Variants in SLC35F4 observed in about 807,000 individuals in gnomAD.
The protein encoded by SLC35F4 is solute carrier family 35 member F4, also known as chromosome 14 open reading frame 36.
Under a neutral mutation model 44.2 loss-of-function variants are expected in SLC35F4, and 24 were observed. That is an observed-to-expected ratio of 0.54 (90% CI 0.39 to 0.76). The LOEUF (loss-of-function observed/expected upper bound fraction) is 0.76, where lower values mean the gene tolerates loss of function less well. Among genes scored for constraint, SLC35F4 ranks in the 30% least tolerant of loss-of-function variants. The pLI is 0.00. For synonymous variants in SLC35F4, 238 were observed against 223.6 expected (o/e 1.06, Z -0.57); for missense variants, 562 against 586.1 (o/e 0.96, Z 0.42).
At chr14:57,755,052 G>T (rs559523017) in intron 1 of SLC35F4, among the ~76,000 whole-genome samples, 5 of 152,204 alleles carry the variant, frequency 3.3e-5, no homozygotes, top group Non-Finnish European at 7.3e-5. Flanking sequence ...CAGCACAGGG[G>T]AGACGTGAAA....
chr14:57,688,235 GA>G (rs201540887), intron 1 of SLC35F4, among the ~76,000 whole-genome samples: 31 of 150,166 alleles, frequency 2.1e-4, no homozygotes, highest in Middle Eastern at 3.4e-3. Context: ...AGAGATAGAG[GA>G]AAAAAAAAGG....
At chr14:57,690,799 C>A (rs564862746) in intron 1 of SLC35F4, among the ~76,000 whole-genome samples, 4 of 152,066 alleles carry the variant, frequency 2.6e-5, no homozygotes, top group Non-Finnish European at 4.4e-5. Flanking sequence ...GTTCACAATA[C>A]GGTTCATGCT....
rs184507540 is a variant in SLC35F4 at position 57,911,883 on chromosome 14, G to A, written n.282+70030C>T. ...ATTTCTTTCTTAACTGTTTGGTAGAGTTTACTAGTGAACACATCTGGGCCT... is the reference window on the plus strand; with the variant it reads ...ATTTCTTTCTTAACTGTTTGGTAGAATTTACTAGTGAACACATCTGGGCCT... On this transcript the variant is annotated intron_variant and non_coding_transcript_variant, in intron 1 of 1. Transcript: ENST00000556568. Among the ~76,000 whole-genome samples the A allele has an allele frequency of 2.7e-3, 417 of 152,006 alleles. 10 individuals carry two copies. Among genetic ancestry groups the A allele is most frequent in the Non-Finnish European group, 3.7e-3 (250 of 67,842 alleles).
At chr14:57,585,321 A>G (rs903378244) in intron 3 of SLC35F4, among the ~76,000 whole-genome samples, 1 of 152,186 alleles carries the variant, frequency 6.6e-6, no homozygotes, top group African/African-American at 2.4e-5. Flanking sequence ...TAAACTAGGT[A>G]TGGATGGAAC....
intron 1 of SLC35F4, among the ~76,000 whole-genome samples, chr14:57,937,789 G>A (rs926323259): frequency 4.6e-5 from 7 of 152,130 alleles, no homozygotes; most frequent in Non-Finnish European, 8.8e-5. Flanking sequence ...GTGAACGTCT[G>A]GGCAGAAAGT....
intron 1 of SLC35F4, among the ~76,000 whole-genome samples, chr14:57,600,710 A>AC (rs1418813749): frequency 1.3e-5 from 2 of 148,930 alleles, no homozygotes; most frequent in Non-Finnish European, 3.0e-5. Flanking sequence ...AAAAAAAAAA[A>AC]AAAAAAAAAC....
chr14:57,717,704 A>T (rs977303826), intron 1 of SLC35F4, among the ~76,000 whole-genome samples: 1 of 152,110 alleles, frequency 6.6e-6, no homozygotes, highest in African/African-American at 2.4e-5. Context: ...AAAAACTTTA[A>T]TTTCTTTTAC....
At chr14:57,956,737 A>G (rs985486389) in intron 1 of SLC35F4, among the ~76,000 whole-genome samples, 4 of 152,200 alleles carry the variant, frequency 2.6e-5, no homozygotes, top group Non-Finnish European at 4.4e-5. Flanking sequence ...CAAAATCACA[A>G]TGAGATACCA....
intron 1 of SLC35F4, chr14:57,630,338 C>T: frequency 1.7e-6 from 1 of 592,094 alleles, no homozygotes; most frequent in Admixed American, 2.4e-5. Flanking sequence ...GTCCTAGAAA[C>T]AGTAGACCGA....
chr14:57,924,918 T>C (rs1053403975), intron 1 of SLC35F4, among the ~76,000 whole-genome samples: 12 of 152,012 alleles, frequency 7.9e-5, no homozygotes, highest in African/African-American at 2.9e-4. Context: ...TATTTTTGTT[T>C]GTTTGTTTTT....
At chr14:57,879,433 A>G (rs999201213) in intron 1 of SLC35F4, among the ~76,000 whole-genome samples, 1 of 152,088 alleles carries the variant, frequency 6.6e-6, no homozygotes, top group Admixed American at 6.6e-5. Context: ...GAGTCCCTCA[A>G]CAAATGCCAC....
intron 1 of SLC35F4, among the ~76,000 whole-genome samples, chr14:57,836,136 A>G (rs951402203): frequency 6.6e-6 from 1 of 152,230 alleles, no homozygotes; most frequent in Admixed American, 6.5e-5. Context: ...AATGTTTTCC[A>G]GCAGCCAGTG....
intron 1 of SLC35F4, among the ~76,000 whole-genome samples, chr14:57,754,249 C>T (rs536949485): frequency 6.6e-6 from 1 of 151,994 alleles, no homozygotes; most frequent in South Asian, 2.1e-4. Context: ...ATTACACACA[C>T]ATGCCACCAG....
intron 1 of SLC35F4, among the ~76,000 whole-genome samples, chr14:57,687,539 C>G (rs1251630137): frequency 6.6e-6 from 1 of 152,194 alleles, no homozygotes. Flanking sequence ...GAATTCCAAG[C>G]TCCGTGTCCT....
chr14:57,863,161 C>T (rs1887825304), intron 1 of SLC35F4, among the ~76,000 whole-genome samples: 2 of 152,328 alleles, frequency 1.3e-5, no homozygotes, highest in South Asian at 4.1e-4. Context: ...GCCACTGCAC[C>T]CACCTTTAAT....
rs898945337 is a variant in SLC35F4 at position 57,571,340 on chromosome 14, C to A, written c.933+554G>T. 1.2e-4 allele frequency among the ~76,000 whole-genome samples: 19 copies of A among 152,258 alleles called. No homozygotes were observed. The South Asian group carries it at 1.5e-3, about 12-fold the overall frequency. On this transcript the variant is annotated intron_variant, in intron 5 of 7. Transcript: ENST00000556826. Reference sequence around the variant, plus strand: ...GGTACCTACAGCAGACGTAGAGCATCCATCAGAGAGAAAAAGAGCTTCTTC... The same window carrying A: ...GGTACCTACAGCAGACGTAGAGCATACATCAGAGAGAAAAAGAGCTTCTTC...
At chr14:57,680,501 A>G (rs1404499184) in intron 1 of SLC35F4, among the ~76,000 whole-genome samples, 1 of 151,550 alleles carries the variant, frequency 6.6e-6, no homozygotes, top group East Asian at 1.9e-4. Flanking sequence ...CCTATTCAAC[A>G]TATTGGAAGT....
At chr14:57,610,761 A>G (rs2071447982) in intron 1 of SLC35F4, among the ~76,000 whole-genome samples, 1 of 152,200 alleles carries the variant, frequency 6.6e-6, no homozygotes, top group African/African-American at 2.4e-5. Context: ...GATCTCACTC[A>G]TGCATCTGAC....
chr14:57,940,478 C>T (rs948345767), intron 1 of SLC35F4, among the ~76,000 whole-genome samples: 53 of 152,072 alleles, frequency 3.5e-4, no homozygotes, highest in African/African-American at 1.3e-3. Flanking sequence ...GCACTTTTGC[C>T]TCTCTTATCT....
Sources: allele counts gnomAD v4.1 joint callset (sites outside exome capture counted in the v4.1 genomes callset), GRCh38; gene constraint gnomAD v4.1.1; transcripts MANE v1.5; gene names NCBI Gene and HGNC (gene_info 2026-07-23, HGNC 2026-07-21).